The following LRRIQ3 variants were observed in gnomAD, a reference collection of about 807,000 sequenced individuals.
LRRIQ3 encodes leucine-rich repeat and IQ domain-containing protein 3.
Under a neutral mutation model 59.3 loss-of-function variants are expected in LRRIQ3, and 75 were observed. That is an observed-to-expected ratio of 1.26 (90% CI 1.05 to 1.53). The LOEUF is 1.53. Among genes scored for constraint, LRRIQ3 ranks in the 40% most tolerant of loss-of-function variants. The probability of loss-of-function intolerance (pLI) is 0.00; values close to 1 mark genes in which losing one functional copy is unlikely to be tolerated. For missense variants in LRRIQ3, 831 were observed against 710.0 expected (o/e 1.17, Z -1.94); for synonymous variants, 250 against 231.3 (o/e 1.08, Z -0.73).
intron 5 of LRRIQ3, among the ~76,000 whole-genome samples, chr1:74,077,603 A>G (rs1646224840): frequency 6.6e-6 from 1 of 151,996 alleles, no homozygotes; most frequent in Non-Finnish European, 1.5e-5. Context: ...GTTTCTCCTA[A>G]TTATCCTTTT....
intron 6 of LRRIQ3, among the ~76,000 whole-genome samples, chr1:74,058,743 G>A (rs75682747): frequency 0.029 from 4,382 of 152,022 alleles, 202 homozygotes; most frequent in African/African-American, 0.1. Context: ...ACAAGGGAAT[G>A]GTAAATGTTT....
intron 4 of LRRIQ3, among the ~76,000 whole-genome samples, chr1:74,131,464 C>A (rs1449644192): frequency 6.6e-6 from 1 of 152,120 alleles, no homozygotes; most frequent in Non-Finnish European, 1.5e-5. Context: ...AACATCAATG[C>A]AAAATTCCTC....
chr1:74,047,024 T>C (rs1184128218), intron 6 of LRRIQ3, among the ~76,000 whole-genome samples: 2 of 152,128 alleles, frequency 1.3e-5, no homozygotes, highest in African/African-American at 4.8e-5. Flanking sequence ...AGTTCAACCA[T>C]TGTGGGAGAC....
chr1:74,191,190 C>T (rs950411278), intron 1 of LRRIQ3, among the ~76,000 whole-genome samples: 3 of 152,166 alleles, frequency 2.0e-5, no homozygotes, highest in African/African-American at 7.2e-5. Context: ...ATCAAGGACA[C>T]TGTATGGTGC....
At chr1:74,089,399 AG>A (rs1160295807) in intron 5 of LRRIQ3, among the ~76,000 whole-genome samples, 1 of 152,118 alleles carries the variant, frequency 6.6e-6, no homozygotes, top group Non-Finnish European at 1.5e-5. Context: ...ATAAATTAGA[AG>A]GAACTCAACG....
At chr1:74,043,495 T>C (rs1654110314) in intron 6 of LRRIQ3, among the ~76,000 whole-genome samples, 1 of 152,056 alleles carries the variant, frequency 6.6e-6, no homozygotes, top group African/African-American at 2.4e-5. Flanking sequence ...AAATCAAGTC[T>C]AGCAAATAGA....
intron 4 of LRRIQ3, among the ~76,000 whole-genome samples, chr1:74,124,509 G>T (rs979766507): frequency 6.6e-6 from 1 of 151,804 alleles, no homozygotes; most frequent in Non-Finnish European, 1.5e-5. Context: ...GCGTTAAGCT[G>T]CAAATCCATT....
chr1:74,081,698 A>G (rs559501471), intron 5 of LRRIQ3, among the ~76,000 whole-genome samples: 51 of 151,712 alleles, frequency 3.4e-4, no homozygotes, highest in African/African-American at 1.2e-3. Context: ...TTTACGTTTC[A>G]ATACAATTCT....
intron 1 of LRRIQ3, among the ~76,000 whole-genome samples, chr1:74,196,210 C>T (rs1651107833): frequency 1.3e-5 from 2 of 152,038 alleles, no homozygotes; most frequent in Non-Finnish European, 2.9e-5. Flanking sequence ...GTCCTAGATC[C>T]AATAAATACT....
chr1:74,102,030 C>T (rs2100544823), intron 5 of LRRIQ3, among the ~76,000 whole-genome samples: 1 of 150,112 alleles, frequency 6.7e-6, no homozygotes, highest in African/African-American at 2.5e-5. Context: ...GCACGTTGTG[C>T]ACATGTACCC....
chr1:74,131,802 T>C (rs538225725), intron 4 of LRRIQ3, among the ~76,000 whole-genome samples: 9 of 152,264 alleles, frequency 5.9e-5, no homozygotes, highest in Non-Finnish European at 1.0e-4. Context: ...AAGCATTCCC[T>C]TTGAAAACTG....
At position 74,132,650 on chromosome 1, in the gene LRRIQ3, T is replaced by A. The variant is rs182344082; in HGVS notation, c.707+23083A>T. 3.6e-3 allele frequency among the ~76,000 whole-genome samples: 541 copies of A among 152,268 alleles called. 7 individuals are homozygous for A. The highest frequency in any genetic ancestry group is 1.8e-3 in the Non-Finnish European group (124 of 68,020). On this transcript the variant is annotated intron_variant, in intron 4 of 7. Coordinates refer to ENST00000354431, the MANE Select transcript of LRRIQ3 (RefSeq NM_001105659.2). The stretch of plus-strand genomic sequence containing the variant: ...ATTTAATAAATGGTGCTGGGGAAAC[T>A]GGCTAGCCATATGTAGAAAGCTGAA...
chr1:74,161,329 T>C (rs1439521527), intron 3 of LRRIQ3, among the ~76,000 whole-genome samples: 2 of 152,206 alleles, frequency 1.3e-5, no homozygotes, highest in Non-Finnish European at 2.9e-5. Context: ...ATTTAGACCA[T>C]AGCAGTCTCA....
At position 74,054,348 on chromosome 1, in the gene LRRIQ3, A is replaced by G. The variant is rs79076374; in HGVS notation, c.998-12415T>C. 3.8e-3 allele frequency among the ~76,000 whole-genome samples: 576 copies of G among 152,328 alleles called. 5 individuals carry two copies. Among genetic ancestry groups the G allele is most frequent in the African/African-American group, 0.013 (547 of 41,594 alleles). Reference sequence around the variant, plus strand: ...AACAGGTAAACCTGTAAATAATAGTAAAAACATCAGTGGTAGCCAGGGATA... The same window carrying G: ...AACAGGTAAACCTGTAAATAATAGTGAAAACATCAGTGGTAGCCAGGGATA... On this transcript the variant is annotated intron_variant, in intron 6 of 7. Coordinates refer to ENST00000354431, the MANE Select transcript of LRRIQ3 (RefSeq NM_001105659.2).
intron 5 of LRRIQ3, chr1:74,083,849 A>C: frequency 4.5e-6 from 1 of 220,750 alleles, no homozygotes; most frequent in Non-Finnish European, 8.8e-6. Flanking sequence ...TTAAAAAAGG[A>C]TGAACAGCTT....
intron 5 of LRRIQ3, chr1:74,082,400 C>G (rs1322900237): frequency 6.6e-6 from 1 of 151,338 alleles, no homozygotes; most frequent in Non-Finnish European, 1.5e-5. Flanking sequence ...GTTTACACTG[C>G]TTAAGTAATT....
chr1:74,184,130 G>T (rs1372014309), intron 1 of LRRIQ3, among the ~76,000 whole-genome samples: 1 of 151,934 alleles, frequency 6.6e-6, no homozygotes, highest in Non-Finnish European at 1.5e-5. Context: ...TGTTAAAGAG[G>T]CTAAACAATG....
chr1:74,135,716 CATT>C (rs1647110971), intron 4 of LRRIQ3, among the ~76,000 whole-genome samples: 1 of 151,788 alleles, frequency 6.6e-6, no homozygotes, highest in South Asian at 2.1e-4. Flanking sequence ...ACATATAAAA[CATT>C]ATGAGATGTA....
intron 5 of LRRIQ3, chr1:74,082,881 G>C (rs1436488838): frequency 6.6e-6 from 1 of 151,362 alleles, no homozygotes; most frequent in African/African-American, 2.4e-5. Flanking sequence ...CTAAAATTGA[G>C]GTTTTATCCC....
Sources: allele counts gnomAD v4.1 joint callset (sites outside exome capture counted in the v4.1 genomes callset), GRCh38; gene constraint gnomAD v4.1.1; transcripts MANE v1.5; gene names NCBI Gene and HGNC (gene_info 2026-07-23, HGNC 2026-07-21).